Variants in KIAA1549 observed in about 807,000 individuals in gnomAD.
KIAA1549 encodes the protein KIAA1549.
Under a neutral mutation model 156.4 loss-of-function variants are expected in KIAA1549, and 70 were observed. The observed-to-expected ratio is 0.45, with a 90% CI of 0.37 to 0.55. The LOEUF is 0.55. Ranked by LOEUF, KIAA1549 falls within the 20% of genes least tolerant of loss-of-function variation. KIAA1549 has a pLI of 0.00. For missense variants in KIAA1549, 2,428 were observed against 2,540.9 expected (o/e 0.96, Z 0.96); for synonymous variants, 1,103 against 1,066.4 (o/e 1.03, Z -0.67).
chr7:138,887,970 G>C (rs1238976051), intron 10 of KIAA1549, among the ~76,000 whole-genome samples: 1 of 152,216 alleles, frequency 6.6e-6, no homozygotes. Flanking sequence ...GGAGAACAGG[G>C]AAGAGGACGG....
chr7:138,916,184 A>G lies in KIAA1549; in HGVS notation c.2878+564T>C, dbSNP rs1020057498. On this transcript the variant is annotated intron_variant, in intron 2 of 19. Coordinates refer to ENST00000422774, the MANE Select transcript of KIAA1549 (RefSeq NM_001164665.2). ...GGCATTTACAGGGACCTATGAGAGC[A>G]AAGTGCAGTCTCCTTTCAAGGAAAA... Among the ~76,000 whole-genome samples, 5 of 152,266 alleles carry G rather than the reference A, an allele frequency of 3.3e-5. No homozygotes were observed. In the East Asian group the frequency reaches 9.6e-4, roughly 29 times the overall value.
chr7:138,942,177 C>T (rs61204310), intron 1 of KIAA1549, among the ~76,000 whole-genome samples: 14,418 of 152,112 alleles, frequency 0.095, 957 homozygotes, highest in African/African-American at 0.18. Flanking sequence ...CTGCCAAAAC[C>T]CCTTGCTCTG....
chr7:138,898,123 A>T (rs1306918509), intron 9 of KIAA1549, among the ~76,000 whole-genome samples: 1 of 151,682 alleles, frequency 6.6e-6, no homozygotes, highest in Non-Finnish European at 1.5e-5. Context: ...CCGGGCCAAC[A>T]TGGTGAAACC....
chr7:138,940,555 G>A (rs1813154675), intron 1 of KIAA1549, among the ~76,000 whole-genome samples: 1 of 151,642 alleles, frequency 6.6e-6, no homozygotes, highest in African/African-American at 2.4e-5. Flanking sequence ...GGGTCAAATG[G>A]TATTTCTAGT....
intron 15 of KIAA1549, 48 bp downstream of exon 15, chr7:138,867,927 A>G: frequency 1.3e-6 from 2 of 1,598,276 alleles, no homozygotes; most frequent in Non-Finnish European, 1.7e-6. Flanking sequence ...GCATCTTTCT[A>G]GGAGCCGCCC....
chr7:138,834,881 G>A lies in KIAA1549; in HGVS notation c.*3025C>T. The A allele has an allele frequency of 4.3e-6, 1 of 232,030 alleles. No individual in the cohort carries two copies. The highest frequency in any genetic ancestry group is 2.2e-5 in the African/African-American group (1 of 45,352). 14.4% of individuals were successfully genotyped at this position (232,030 alleles called of 1,614,324 possible). Reference sequence around the variant, plus strand: ...CTCACAACTACGGTGCCTGGGAGGTGGCGGGGGAGGTCTGTTCTTGTTTGG... The same window carrying A: ...CTCACAACTACGGTGCCTGGGAGGTAGCGGGGGAGGTCTGTTCTTGTTTGG... On this transcript the variant is annotated 3_prime_UTR_variant, in exon 20 of 20. Transcript: ENST00000422774.
At chr7:138,933,785 G>A (rs569085999) in intron 1 of KIAA1549, among the ~76,000 whole-genome samples, 1 of 152,256 alleles carries the variant, frequency 6.6e-6, no homozygotes, top group South Asian at 2.1e-4. Context: ...CGCCAACATG[G>A]CGAAAAACCA....
chr7:138,853,939 T>TA (rs1810304359), intron 16 of KIAA1549, among the ~76,000 whole-genome samples: 1 of 152,172 alleles, frequency 6.6e-6, no homozygotes, highest in Non-Finnish European at 1.5e-5. Context: ...AGTGGCATAT[T>TA]AAGAGAAAAA....
In KIAA1549 at chr7:138,919,124, T is replaced by C; in HGVS notation, c.502A>G (p.Thr168Ala). The change falls in exon 2 of 20, where the codon ACT becomes GCT. Residue 168 changes from threonine to alanine, a missense_variant. Coordinates refer to ENST00000422774, the MANE Select transcript of KIAA1549 (RefSeq NM_001164665.2). ...DNFLPDTHWT[T>A]PRMVSPIQYI... ...TGTATTGGAGAAACCATCCGTGGAG[T>C]GGTCCAGTGAGTATCTGGCAGAAAG... is the stretch of plus-strand genomic sequence containing the variant. 1 of 1,613,796 alleles carries C rather than the reference T, an allele frequency of 6.2e-7. No homozygotes were observed. The highest frequency in any genetic ancestry group is 8.5e-7 in the Non-Finnish European group (1 of 1,179,870).
chr7:138,974,344 G>C (rs1443279069), intron 1 of KIAA1549, among the ~76,000 whole-genome samples: 1 of 152,076 alleles, frequency 6.6e-6, no homozygotes, highest in Non-Finnish European at 1.5e-5. Flanking sequence ...TCCTGAAAGA[G>C]GGCAGGGAGG....
At chr7:138,870,128 G>A (rs1212471780) in intron 13 of KIAA1549, among the ~76,000 whole-genome samples, 2 of 152,096 alleles carry the variant, frequency 1.3e-5, no homozygotes, top group African/African-American at 4.8e-5. Flanking sequence ...TGGGATTACA[G>A]GTGTGAGCCA....
chr7:138,958,362 C>G (rs1334716165), intron 1 of KIAA1549, among the ~76,000 whole-genome samples: 1 of 152,170 alleles, frequency 6.6e-6, no homozygotes, highest in African/African-American at 2.4e-5. Flanking sequence ...CAGGCTCTCT[C>G]CCCAAAATCT....
intron 1 of KIAA1549, among the ~76,000 whole-genome samples, chr7:138,974,579 G>A (rs1488394126): frequency 6.6e-6 from 1 of 151,862 alleles, no homozygotes; most frequent in Non-Finnish European, 1.5e-5. Context: ...CCACTACCAT[G>A]CCTGGCTATT....
intron 1 of KIAA1549, among the ~76,000 whole-genome samples, chr7:138,971,894 G>A (rs925254532): frequency 9.2e-5 from 14 of 152,196 alleles, no homozygotes; most frequent in Admixed American, 7.9e-4. Flanking sequence ...GACGTGGAGC[G>A]TAATGAAAAC....
At chr7:138,946,706 G>C (rs1016869664) in intron 1 of KIAA1549, among the ~76,000 whole-genome samples, 4 of 152,126 alleles carry the variant, frequency 2.6e-5, no homozygotes, top group African/African-American at 9.7e-5. Context: ...TTGAACTCTG[G>C]AGGCAGAAGT....
At chr7:138,930,526 G>A (rs546858850) in intron 1 of KIAA1549, among the ~76,000 whole-genome samples, 11 of 152,294 alleles carry the variant, frequency 7.2e-5, no homozygotes, top group South Asian at 2.1e-4. Flanking sequence ...TAAATCCTCC[G>A]GATAATTTGC....
At chr7:138,896,769 A>G (rs1396800122) in intron 9 of KIAA1549, among the ~76,000 whole-genome samples, 1 of 151,254 alleles carries the variant, frequency 6.6e-6, no homozygotes, top group African/African-American at 2.4e-5. Flanking sequence ...CTAGCTTATT[A>G]TTATTATTAT....
chr7:138,919,011 A>G lies in KIAA1549; in HGVS notation c.615T>C (p.Asp205=). 6.2e-7 allele frequency: 1 copy of G among 1,613,996 alleles called. No homozygotes were observed. Among genetic ancestry groups the G allele is most frequent in the Non-Finnish European group, 8.5e-7 (1 of 1,179,890 alleles). ...TPSLPMVSLQ[D]EEVTSGWQNT... is the part of the protein sequence containing the mutation. ...TCTGCCAGCCCGATGTCACTTCTTC[A>G]TCTTGTAAAGAAACCATGGGTAATG... is the stretch of plus-strand genomic sequence containing the variant. Residue 205 remains aspartate, a synonymous_variant, in exon 2 of 20, where the codon GAT becomes GAC. Transcript: ENST00000422774.
In KIAA1549 at chr7:138,918,733, G is replaced by C. The variant is rs372567270; in HGVS notation, c.893C>G (p.Thr298Ser). 1.3e-5 allele frequency: 21 copies of C among 1,613,736 alleles called. No individual in the cohort carries two copies. In the East Asian group the frequency reaches 3.1e-4, roughly 24 times the overall value. ...LMPQPLGDGITIPLPSLGEVS... is the reference protein window; with the variant it reads ...LMPQPLGDGISIPLPSLGEVS... ...CTCCCCCAAGGAGGGCAACGGTATA[G>C]TAATGCCGTCGCCTAACGGCTGTGG... Residue 298 changes from threonine (T) to serine (S), a missense_variant, in exon 2 of 20, where the codon ACT (threonine) becomes AGT (serine). By Grantham distance (58) the Thr-to-Ser change is moderately conservative (BLOSUM62 1). Coordinates refer to ENST00000422774, the MANE Select transcript of KIAA1549 (RefSeq NM_001164665.2). This position sits in a 1 kb window ranked among gnomAD's most constrained non-coding sequence, Gnocchi z 4.2.
Sources: gnomAD v4.1 joint callset for allele counts (sites outside exome capture counted in the v4.1 genomes callset) on GRCh38, gnomAD v4.1.1 for gene constraint, Gnocchi (gnomAD v3.1) non-coding constraint, MANE v1.5 for transcripts, NCBI Gene and HGNC (gene_info 2026-07-23, HGNC 2026-07-21) for gene names.